The following PID1 variants were observed in gnomAD, a reference collection of about 807,000 sequenced individuals.
PID1 encodes the protein phosphotyrosine interaction domain containing 1.
PID1 carries 10 observed loss-of-function variants against 19.1 expected under a neutral mutation model. The ratio of observed to expected loss-of-function variants is 0.52; its 90% CI spans 0.32 to 0.89. PID1 has a LOEUF of 0.89. Among genes scored for constraint, PID1 ranks in the 40% least tolerant of loss-of-function variants. The pLI is 0.03. For synonymous variants in PID1, 130 were observed against 116.0 expected, an observed-to-expected ratio of 1.12 and a Z score of -0.78; for missense variants, 248 against 285.3, an observed-to-expected ratio of 0.87 and a Z score of 0.94.
At chr2:229,054,432 A>T (rs1352387654) in intron 2 of PID1, among the ~76,000 whole-genome samples, 1 of 152,164 alleles carries the variant, frequency 6.6e-6, no homozygotes, top group African/African-American at 2.4e-5. Flanking sequence ...CACTAGGTAG[A>T]ATCTATGATG....
intron 1 of PID1, among the ~76,000 whole-genome samples, chr2:229,208,182 C>A (rs1364254800): frequency 6.6e-6 from 1 of 152,172 alleles, no homozygotes; most frequent in African/African-American, 2.4e-5. Context: ...CCTCCAGATC[C>A]TAGCTTTCTC....
At chr2:229,150,880 T>C (rs1036791080) in intron 2 of PID1, among the ~76,000 whole-genome samples, 4 of 151,106 alleles carry the variant, frequency 2.6e-5, no homozygotes, top group African/African-American at 9.7e-5. Flanking sequence ...GAAAACCAAA[T>C]TTGAGAATCT....
At chr2:229,029,165 T>C (rs895396910) in intron 2 of PID1, among the ~76,000 whole-genome samples, 1 of 151,144 alleles carries the variant, frequency 6.6e-6, no homozygotes, top group African/African-American at 2.4e-5. Context: ...ACACCAAACC[T>C]CGGCAACACG....
rs567416673 is a variant in PID1, at chr2:229,154,930, C to T, written c.177+888G>A. Among the ~76,000 whole-genome samples, 32 of 152,230 alleles carry T rather than the reference C, an allele frequency of 2.1e-4. No individual in the cohort carries two copies. In the South Asian group the frequency reaches 4.4e-3, roughly 21 times the overall value. On this transcript the variant is annotated intron_variant, in intron 2 of 2. Transcript: ENST00000392055. ...CGTGTGAGAAAAAATCCAAAGCTTA[C>T]CAAAATTATACATTTCATTTCTAGT...
At chr2:229,204,704 C>T (rs1157647824) in intron 1 of PID1, among the ~76,000 whole-genome samples, 5 of 152,086 alleles carry the variant, frequency 3.3e-5, no homozygotes, top group Admixed American at 3.3e-4. Flanking sequence ...CCAAATGGTC[C>T]TGATGCGGGG....
At position 229,112,123 on chromosome 2, in the gene PID1, T is replaced by C. The variant is rs1695311073; in HGVS notation, c.177+43695A>G. Among the ~76,000 whole-genome samples, 4 of 152,350 alleles carry C rather than the reference T, an allele frequency of 2.6e-5. No individual in the cohort carries two copies. The South Asian group carries it at 8.3e-4, about 32-fold the overall frequency. On this transcript the variant is annotated intron_variant, in intron 2 of 2. Coordinates refer to ENST00000392055, the MANE Select transcript of PID1 (RefSeq NM_001100818.2). ...TCCACTGGCCTTGTTAAGAACTTTT[T>C]ATCCATTATTTCGATGTTAAAACGA...
At chr2:229,052,238 C>T (rs1246797048) in intron 2 of PID1, among the ~76,000 whole-genome samples, 3 of 152,148 alleles carry the variant, frequency 2.0e-5, no homozygotes, top group Non-Finnish European at 4.4e-5. Flanking sequence ...AAGGTTACAA[C>T]TGCCCAGAGG....
rs560127906 is a variant in PID1 at position 229,102,707 on chromosome 2, T to C, written c.177+53111A>G. Among the ~76,000 whole-genome samples the C allele has an allele frequency of 8.5e-5, 13 of 152,316 alleles. No homozygotes were observed. In the South Asian group the frequency reaches 2.3e-3, roughly 27 times the overall value. Reference sequence around the variant, plus strand: ...TAATAGAACCCTCTAGGTCCTGTTATAGATGGCAACTGTCCTGAGGGGCCT... The same window carrying C: ...TAATAGAACCCTCTAGGTCCTGTTACAGATGGCAACTGTCCTGAGGGGCCT... On this transcript the variant is annotated intron_variant, in intron 2 of 2. Transcript: ENST00000392055.
chr2:229,097,245 T>A lies in PID1; in HGVS notation c.177+58573A>T, dbSNP rs77943682. Among the ~76,000 whole-genome samples, 972 of 152,282 alleles carry A rather than the reference T, an allele frequency of 6.4e-3. 16 individuals carry two copies. The highest frequency in any genetic ancestry group is 0.023 in the African/African-American group (943 of 41,562). ...ACTTGTTGGGAGAGCATCGTAAAAG[T>A]AACAACCCCCTCGCCCCGTCTTACA... On this transcript the variant is annotated intron_variant, in intron 2 of 2. Transcript: ENST00000392055.
At chr2:229,112,526 C>A (rs1223056709) in intron 2 of PID1, among the ~76,000 whole-genome samples, 1 of 152,138 alleles carries the variant, frequency 6.6e-6, no homozygotes, top group African/African-American at 2.4e-5. Context: ...TGCTCTGTCG[C>A]CCAGGCTGGA....
At chr2:229,158,735 A>T (rs967320828) in intron 1 of PID1, among the ~76,000 whole-genome samples, 12 of 152,206 alleles carry the variant, frequency 7.9e-5, no homozygotes, top group African/African-American at 2.9e-4. Flanking sequence ...ATAATGATAC[A>T]CACACACAAG....
intron 1 of PID1, among the ~76,000 whole-genome samples, chr2:229,201,665 T>C (rs1347733041): frequency 3.3e-5 from 5 of 152,096 alleles, no homozygotes; most frequent in Admixed American, 2.6e-4. Context: ...CCGGATCATA[T>C]GGTAACCCTA....
At chr2:229,095,074 G>A (rs1358705724) in intron 2 of PID1, among the ~76,000 whole-genome samples, 2 of 152,058 alleles carry the variant, frequency 1.3e-5, no homozygotes, top group African/African-American at 4.8e-5. Context: ...TAGCTCCTGA[G>A]TCACAGTCCC....
At chr2:229,057,573 T>C (rs771112405) in intron 2 of PID1, among the ~76,000 whole-genome samples, 9 of 150,506 alleles carry the variant, frequency 6.0e-5, no homozygotes, top group Non-Finnish European at 1.2e-4. Flanking sequence ...AGTGAGAAAA[T>C]TTTTGATACT....
chr2:229,252,444 C>CACATCCTT (rs770125953), intron 1 of PID1, among the ~76,000 whole-genome samples: 40 of 152,144 alleles, frequency 2.6e-4, no homozygotes, highest in Non-Finnish European at 5.4e-4. Context: ...CGTGCCAGCA[C>CACATCCTT]ACATCCTTTC....
chr2:229,131,404 T>C (rs1689737647), intron 2 of PID1, among the ~76,000 whole-genome samples: 2 of 152,042 alleles, frequency 1.3e-5, no homozygotes, highest in Admixed American at 1.3e-4. Flanking sequence ...CTAATTTTTG[T>C]ATTTTTAGTA....
rs569342984 is a variant in PID1, at chr2:229,099,230, A to T, written c.177+56588T>A. The stretch of plus-strand genomic sequence containing the variant: ...TTTAAAAATACGTGTTTCAAACAGT[A>T]GAAAAATTTAATTTTAATTGAAAGG... On this transcript the variant is annotated intron_variant, in intron 2 of 2. Coordinates refer to ENST00000392055, the MANE Select transcript of PID1 (RefSeq NM_001100818.2). 2.0e-5 allele frequency among the ~76,000 whole-genome samples: 3 copies of T among 152,362 alleles called. No homozygotes were observed. The South Asian group carries it at 6.2e-4, about 32-fold the overall frequency.
intron 2 of PID1, among the ~76,000 whole-genome samples, chr2:229,124,044 T>C (rs1695575515): frequency 1.3e-5 from 2 of 152,194 alleles, no homozygotes; most frequent in African/African-American, 2.4e-5. Context: ...TTCTGCTATA[T>C]GTTAAAATAT....
chr2:229,270,514 A>G (rs973497572), intron 1 of PID1, among the ~76,000 whole-genome samples: 29 of 152,180 alleles, frequency 1.9e-4, no homozygotes, highest in African/African-American at 7.0e-4. Context: ...AAAGGGAGAG[A>G]ACCAATGAAT....
Sources: allele counts gnomAD v4.1 joint callset (sites outside exome capture counted in the v4.1 genomes callset), GRCh38; gene constraint gnomAD v4.1.1; transcripts MANE v1.5; gene names NCBI Gene and HGNC (gene_info 2026-07-23, HGNC 2026-07-21).